The following DNAH11 variants were observed in gnomAD, a reference collection of about 807,000 sequenced individuals.
DNAH11 encodes the protein axonemal beta dynein heavy chain 11.
Under a neutral mutation model 526.0 loss-of-function variants are expected in DNAH11, and 442 were observed. The observed-to-expected ratio is 0.84, with a 90% CI of 0.78 to 0.91. DNAH11 has a LOEUF of 0.91. Ranked by LOEUF, DNAH11 falls within the 40% of genes least tolerant of loss-of-function variation. The probability of loss-of-function intolerance (pLI) is 0.00; values close to 1 mark genes in which losing one functional copy is unlikely to be tolerated. For missense variants in DNAH11, 6,989 were observed against 5,448.7 expected (o/e 1.28, Z -8.90); for synonymous variants, 2,461 against 1,935.9 (o/e 1.27, Z -7.12).
intron 12 of DNAH11, 115 bp downstream of exon 12, chr7:21,589,518 C>G (rs562462124): frequency 2.5e-6 from 2 of 813,034 alleles, no homozygotes; most frequent in Middle Eastern, 3.8e-4. Context: ...GTTGTGAGGA[C>G]TGTAACTGTA....
At chr7:21,568,660 G>C (rs938990777) in intron 6 of DNAH11, among the ~76,000 whole-genome samples, 1 of 152,146 alleles carries the variant, frequency 6.6e-6, no homozygotes, top group Admixed American at 6.5e-5. Flanking sequence ...TCATCTATGC[G>C]AGGGGCCAGC....
chr7:21,582,324 A>G (rs1784339880), intron 9 of DNAH11, among the ~76,000 whole-genome samples: 1 of 152,232 alleles, frequency 6.6e-6, no homozygotes, highest in South Asian at 2.1e-4. Flanking sequence ...ATTAAGTCAC[A>G]GTGAAAAGTG....
At chr7:21,596,760 C>A (rs1210431624) in intron 14 of DNAH11, among the ~76,000 whole-genome samples, 1 of 152,180 alleles carries the variant, frequency 6.6e-6, no homozygotes, top group Non-Finnish European at 1.5e-5. Context: ...TAAATGGATT[C>A]TCCTATTTTT....
At chr7:21,779,246 C>A (rs551260771) in intron 57 of DNAH11, 142 bp downstream of exon 57, 3 of 1,034,156 alleles carry the variant, frequency 2.9e-6, no homozygotes, top group Non-Finnish European at 4.0e-6. Flanking sequence ...AACAGCATTT[C>A]ACACCGTGAT....
At chr7:21,898,705 A>T (rs1784621259) in intron 79 of DNAH11, among the ~76,000 whole-genome samples, 1 of 152,060 alleles carries the variant, frequency 6.6e-6, no homozygotes, top group Non-Finnish European at 1.5e-5. Flanking sequence ...AATACTTCCT[A>T]CCTTGCCCAA....
chr7:21,901,010 C>A lies in DNAH11; in HGVS notation c.13307C>A (p.Ala4436Asp), dbSNP rs773462527. 3.8e-6 allele frequency: 6 copies of A among 1,589,218 alleles called. No individual in the cohort carries two copies. In the South Asian group the frequency reaches 6.9e-5, roughly 18 times the overall value. ...AYLHGLFMEGARWDTQAGTIV... is the reference protein window; with the variant it reads ...AYLHGLFMEGDRWDTQAGTIV... ...AACCGCTGTGTTTTTGCCATAGGCG[C>A]CCGCTGGGACACCCAAGCAGGAACC... The change falls in exon 82 of 82, where the codon GCC (alanine) becomes GAC (aspartate). Residue 4436 changes from alanine to aspartate, a missense_variant. Coordinates refer to ENST00000409508, the MANE Select transcript of DNAH11 (RefSeq NM_001277115.2).
At chr7:21,580,779 C>T (rs368198582) in intron 8 of DNAH11, among the ~76,000 whole-genome samples, 4 of 152,120 alleles carry the variant, frequency 2.6e-5, no homozygotes, top group East Asian at 1.9e-4. Flanking sequence ...TTGATACTAT[C>T]GTATTGAGGG....
chr7:21,708,478 C>T (rs971941404), intron 40 of DNAH11, among the ~76,000 whole-genome samples: 2 of 152,192 alleles, frequency 1.3e-5, no homozygotes, highest in African/African-American at 4.8e-5. Context: ...TAATCTCCTC[C>T]TGCTGGTTTC....
chr7:21,713,061 T>A (rs1181388433), intron 42 of DNAH11, among the ~76,000 whole-genome samples: 1 of 152,198 alleles, frequency 6.6e-6, no homozygotes, highest in Non-Finnish European at 1.5e-5. Context: ...ATGCTTTGAT[T>A]TAGAGCAACT....
intron 65 of DNAH11, among the ~76,000 whole-genome samples, chr7:21,839,948 G>A (rs951845030): frequency 4.5e-4 from 69 of 152,302 alleles, no homozygotes; most frequent in African/African-American, 1.5e-3. Context: ...AAAAGCTTTA[G>A]TAATGTAAGA....
chr7:21,589,518 C>A, intron 12 of DNAH11, 115 bp downstream of exon 12: 1 of 813,032 alleles, frequency 1.2e-6, no homozygotes, highest in Non-Finnish European at 1.9e-6. Context: ...GTTGTGAGGA[C>A]TGTAACTGTA....
chr7:21,687,939 G>T (rs892424448), intron 34 of DNAH11, among the ~76,000 whole-genome samples: 1 of 152,086 alleles, frequency 6.6e-6, no homozygotes, highest in Non-Finnish European at 1.5e-5. Flanking sequence ...GCATGTGCCT[G>T]TAGTCCCAGT....
intron 57 of DNAH11, among the ~76,000 whole-genome samples, chr7:21,782,817 G>A (rs1015669253): frequency 6.6e-6 from 1 of 151,924 alleles, no homozygotes; most frequent in Non-Finnish European, 1.5e-5. Flanking sequence ...GGCTGAGGCA[G>A]GAGAATTGCT....
Position 21,589,263 on chromosome 7 carries a change from A to G in DNAH11, c.2029A>G (p.Thr677Ala). 1 of 1,610,616 alleles carries G rather than the reference A, an allele frequency of 6.2e-7. No individual in the cohort carries two copies. The highest frequency in any genetic ancestry group is 8.5e-7 in the Non-Finnish European group (1 of 1,178,908). The part of the protein sequence containing the change: ...LVYQKYVEMT[T>A]LLDQFESRIY... ...TTATCAAAAGTATGTTGAAATGACC[A>G]CTTTGCTTGATCAATTTGAAAGTCG... The change falls in exon 12 of 82, where the codon ACT (threonine) becomes GCT (alanine). Residue 677 changes from threonine to alanine, a missense_variant. Physicochemically the swap from Thr to Ala is moderately conservative, Grantham distance 58. Transcript: ENST00000409508.
rs1783824859 is a variant in DNAH11 at position 21,570,069 on chromosome 7, G to T, written c.1195G>T (p.Ala399Ser). The change falls in exon 7 of 82, where the codon GCA becomes TCA. Residue 399 changes from alanine to serine, a missense_variant and splice_region_variant. By Grantham distance (99) the Ala-to-Ser change is moderately conservative (BLOSUM62 1). Transcript: ENST00000409508. ...ATTGTTCCCTTTCATTAAATCCTAGGCAACAGCTTACCTTTCACCTGAGGA... is the reference window on the plus strand; with the variant it reads ...ATTGTTCCCTTTCATTAAATCCTAGTCAACAGCTTACCTTTCACCTGAGGA... ...QEFCNLFINQ[A>S]TAYLSPEDLL... 3.1e-6 allele frequency: 5 copies of T among 1,593,446 alleles called. No individual in the cohort carries two copies. The highest frequency in any genetic ancestry group is 1.3e-5 in the African/African-American group (1 of 74,086).
intron 32 of DNAH11, among the ~76,000 whole-genome samples, chr7:21,685,890 A>G (rs1185985631): frequency 1.3e-5 from 2 of 152,186 alleles, no homozygotes; most frequent in East Asian, 3.9e-4. Flanking sequence ...CTGCACATAC[A>G]CCATTGGTTG....
At chr7:21,769,487 T>G (rs1481037446) in intron 55 of DNAH11, among the ~76,000 whole-genome samples, 2 of 151,944 alleles carry the variant, frequency 1.3e-5, no homozygotes, top group African/African-American at 4.8e-5. Context: ...TTCTTTGGTT[T>G]TTTTTTTCTT....
At chr7:21,673,469 G>A (rs538402399) in intron 30 of DNAH11, among the ~76,000 whole-genome samples, 1 of 152,146 alleles carries the variant, frequency 6.6e-6, no homozygotes, top group Non-Finnish European at 1.5e-5. Context: ...AGGAACTAGA[G>A]CAATGGCCAT....
At chr7:21,718,057 C>G (rs1784731823) in intron 43 of DNAH11, 132 bp downstream of exon 43, 3 of 1,258,626 alleles carry the variant, frequency 2.4e-6, no homozygotes, top group Admixed American at 2.6e-5. Context: ...CTGCAACCCT[C>G]TTGCCCCCGC....
Sources: gnomAD v4.1 joint callset for allele counts (sites outside exome capture counted in the v4.1 genomes callset) on GRCh38, gnomAD v4.1.1 for gene constraint, MANE v1.5 for transcripts, NCBI Gene and HGNC (gene_info 2026-07-23, HGNC 2026-07-21) for gene names.